FAM163B: variants seen among roughly 807,000 people sequenced by gnomAD.
The protein encoded by FAM163B is family with sequence similarity 163 member B, also known as protein FAM163B.
Under a neutral mutation model 7.6 loss-of-function variants are expected in FAM163B, and 4 were observed. The ratio of observed to expected loss-of-function variants is 0.52; its 90% CI spans 0.26 to 1.20. The LOEUF (loss-of-function observed/expected upper bound fraction) is 1.20. Ranked by LOEUF, FAM163B falls within the 50% of genes most tolerant of loss-of-function variation. FAM163B has a pLI of 0.14. For synonymous variants in FAM163B, 120 were observed against 111.6 expected, an observed-to-expected ratio of 1.07 and a Z score of -0.47; for missense variants, 250 against 243.0, an observed-to-expected ratio of 1.03 and a Z score of -0.19.
At chr9:133,581,819 T>A (rs1831360734) in intron 1 of FAM163B, among the ~76,000 whole-genome samples, 2 of 152,164 alleles carry the variant, frequency 1.3e-5, no homozygotes, top group African/African-American at 2.4e-5. Context: ...CATCTTGACG[T>A]CACAATCAGC....
At chr9:133,599,066 G>A (rs1054026331) in intron 1 of FAM163B, among the ~76,000 whole-genome samples, 2 of 152,160 alleles carry the variant, frequency 1.3e-5, no homozygotes, top group Non-Finnish European at 2.9e-5. Flanking sequence ...TGCCCTGGGG[G>A]CACCTTCCAC....
In FAM163B at chr9:133,609,348, C is replaced by T. The variant is rs993238982; in HGVS notation, c.-295G>A. 6.0e-4 allele frequency among the ~76,000 whole-genome samples: 90 copies of T among 149,730 alleles called. No individual in the cohort carries two copies. Among genetic ancestry groups the T allele is most frequent in the African/African-American group, 2.2e-3 (90 of 41,278 alleles). On this transcript the variant is annotated 5_prime_UTR_variant, in exon 1 of 3. Coordinates refer to ENST00000673969, the MANE Select transcript of FAM163B (RefSeq NM_001080515.3). ...GCCCCGGCTGGCTCCCTGCGAGCTG[C>T]ACGCGCGGCTCCAGCCTGGTCCCGA...
At chr9:133,608,090 G>A (rs542745483) in intron 1 of FAM163B, among the ~76,000 whole-genome samples, 84 of 152,304 alleles carry the variant, frequency 5.5e-4, no homozygotes, top group African/African-American at 1.8e-3. Context: ...AGTTGGCAGG[G>A]GCTGAGGGAA....
Position 133,579,074 on chromosome 9 carries a change from G to C in FAM163B, c.449C>G (p.Ser150Ter). The change falls in exon 3 of 3, where the codon TCA (serine) becomes TGA (stop). Residue 150 changes from serine to a stop codon, truncating the protein, a stop_gained. Transcript: ENST00000673969. LOFTEE classifies it high-confidence loss of function. ...CCTGGCGAAGGCCTCCCGCATGGCT[G>C]AGAGGCGGTTGGGGTTGAGCGCCTG... ...GLQALNPNRLSAMREAFARSR... is the reference protein window; with the variant it reads ...GLQALNPNRL 1 of 1,591,734 alleles carries C rather than the reference G, an allele frequency of 6.3e-7. No individual in the cohort carries two copies. Among genetic ancestry groups the C allele is most frequent in the Non-Finnish European group, 8.5e-7 (1 of 1,171,478 alleles).
chr9:133,599,830 T>C (rs995273107), intron 1 of FAM163B, among the ~76,000 whole-genome samples: 1 of 151,124 alleles, frequency 6.6e-6, no homozygotes, highest in East Asian at 2.0e-4. Flanking sequence ...TGCATGAATG[T>C]GTGTCTGTGT....
intron 1 of FAM163B, among the ~76,000 whole-genome samples, chr9:133,584,642 G>C (rs981093626): frequency 4.6e-5 from 7 of 152,240 alleles, no homozygotes; most frequent in African/African-American, 1.7e-4. Flanking sequence ...GAGAACAGGG[G>C]AGGACTTGGC....
At chr9:133,608,868 G>GCC (rs1831820183) in intron 1 of FAM163B, among the ~76,000 whole-genome samples, 1 of 152,200 alleles carries the variant, frequency 6.6e-6, no homozygotes, top group Admixed American at 6.5e-5. Flanking sequence ...AGGCCCTCGT[G>GCC]CCCACCTGGG....
At position 133,596,433 on chromosome 9, in the gene FAM163B, G is replaced by A. The variant is rs189525831; in HGVS notation, c.-24+12644C>T. Among the ~76,000 whole-genome samples, 9 of 152,242 alleles carry A rather than the reference G, an allele frequency of 5.9e-5. No homozygotes were observed. The South Asian group carries it at 6.2e-4, about 11-fold the overall frequency. ...GGGGCGGGGGTGGCTCACCCTTGTC[G>A]TGCAAAGCAGCATTAGCCAGAGTTT... is the stretch of plus-strand genomic sequence containing the variant. On this transcript the variant is annotated intron_variant, in intron 1 of 2. Coordinates refer to ENST00000673969, the MANE Select transcript of FAM163B (RefSeq NM_001080515.3).
Position 133,606,886 on chromosome 9 carries a change from C to T in FAM163B, c.-24+2191G>A, listed in dbSNP as rs925536758. Among the ~76,000 whole-genome samples, 10 of 152,182 alleles carry T rather than the reference C, an allele frequency of 6.6e-5. No individual in the cohort carries two copies. The highest frequency in any genetic ancestry group is 2.1e-4 in the South Asian group (1 of 4,824). ...CCATGAGGCTGCAGAGGCAGGCCCA[C>T]GTGGCAGGAGCCAGAGGTCTCACTG... On this transcript the variant is annotated intron_variant, in intron 1 of 2. Coordinates refer to ENST00000673969, the MANE Select transcript of FAM163B (RefSeq NM_001080515.3). The surrounding 1 kb of genome is among the most constrained non-coding windows in gnomAD (Gnocchi z 4.0).
intron 1 of FAM163B, among the ~76,000 whole-genome samples, chr9:133,602,795 C>T (rs1831746029): frequency 1.3e-5 from 2 of 152,144 alleles, no homozygotes; most frequent in South Asian, 4.1e-4. Context: ...AGCTCACAGT[C>T]GACAATGTTG....
At position 133,579,030 on chromosome 9, in the gene FAM163B, C is replaced by G. The variant is rs1027102743; in HGVS notation, c.493G>C (p.Asp165His). ...CCGGGGGCGGGCCCAGGTCACACGT[C>G]GGTGCTGATGCTGCGGCTCCTGGCG... ...AFARSRSIST[D>H]V Residue 165 changes from aspartate (D) to histidine (H), a missense_variant, in exon 3 of 3, where the codon GAC (aspartate) becomes CAC (histidine). Physicochemically the swap from Asp to His is moderately conservative, Grantham distance 81 (BLOSUM62 -1). Coordinates refer to ENST00000673969, the MANE Select transcript of FAM163B (RefSeq NM_001080515.3). The G allele has an allele frequency of 1.9e-6, 3 of 1,541,912 alleles. No individual in the cohort carries two copies. Among genetic ancestry groups the G allele is most frequent in the Admixed American group, 2.0e-5 (1 of 50,608 alleles).
intron 1 of FAM163B, among the ~76,000 whole-genome samples, chr9:133,584,568 G>A (rs947809757): frequency 6.6e-6 from 1 of 152,246 alleles, no homozygotes; most frequent in African/African-American, 2.4e-5. Flanking sequence ...GGCAGAGAAC[G>A]GGAAGGGCTA....
chr9:133,595,292 C>G (rs1025569267), intron 1 of FAM163B, among the ~76,000 whole-genome samples: 15 of 152,182 alleles, frequency 9.9e-5, no homozygotes, highest in Non-Finnish European at 7.3e-5. Context: ...ACTACAGGTG[C>G]ATGCCAGCAC....
chr9:133,594,982 G>A (rs975501308), intron 1 of FAM163B, among the ~76,000 whole-genome samples: 1 of 152,168 alleles, frequency 6.6e-6, no homozygotes, highest in Non-Finnish European at 1.5e-5. Flanking sequence ...AGGCAGCAGG[G>A]CGTTGGTGCC....
intron 1 of FAM163B, among the ~76,000 whole-genome samples, chr9:133,590,453 C>T (rs2131240582): frequency 6.6e-6 from 1 of 152,110 alleles, no homozygotes; most frequent in Admixed American, 6.5e-5. Context: ...TCAGTGAACC[C>T]TATAGGCACA....
In FAM163B at chr9:133,580,256, A is replaced by G; in HGVS notation, c.-23-10T>C. On this transcript the variant is annotated splice_polypyrimidine_tract_variant and intron_variant, in intron 1 of 2. Transcript: ENST00000673969. ...CTTCTCCATCAACAGCCTGCAACAC[A>G]CGCCGCCAGCTTTAGAGCATCACGC... 1.3e-6 allele frequency: 2 copies of G among 1,579,218 alleles called. No individual in the cohort carries two copies. The highest frequency in any genetic ancestry group is 1.7e-6 in the Non-Finnish European group (2 of 1,150,158).
intron 1 of FAM163B, among the ~76,000 whole-genome samples, chr9:133,590,047 C>A (rs1831514468): frequency 2.4e-5 from 1 of 40,900 alleles, no homozygotes; most frequent in Non-Finnish European, 5.9e-5. Flanking sequence ...GTTCCCTTCC[C>A]TTCCCTTCCC....
At chr9:133,597,280 T>C (rs941678332) in intron 1 of FAM163B, among the ~76,000 whole-genome samples, 5 of 152,124 alleles carry the variant, frequency 3.3e-5, no homozygotes, top group African/African-American at 1.2e-4. Flanking sequence ...AGTAGAGACA[T>C]AGAAGATAGG....
chr9:133,594,438 C>T (rs1163261182), intron 1 of FAM163B, among the ~76,000 whole-genome samples: 1 of 151,994 alleles, frequency 6.6e-6, no homozygotes, highest in East Asian at 1.9e-4. Flanking sequence ...CCCAGGACCT[C>T]GAACTCCCCT....
Sources: allele counts gnomAD v4.1 joint callset (sites outside exome capture counted in the v4.1 genomes callset), GRCh38; gene constraint gnomAD v4.1.1; non-coding constraint Gnocchi (gnomAD v3.1); transcripts MANE v1.5; gene names NCBI Gene and HGNC (gene_info 2026-07-23, HGNC 2026-07-21).